The following SCRN1 variants were observed in gnomAD, a reference collection of about 807,000 sequenced individuals.
The protein encoded by SCRN1 is secernin-1.
SCRN1 carries 19 observed loss-of-function variants against 43.3 expected under a neutral mutation model. That is an observed-to-expected ratio of 0.44 (90% CI 0.31 to 0.64). SCRN1 has a LOEUF of 0.64. SCRN1 is among the 30% of genes least tolerant of loss of function. The pLI, the probability that SCRN1 is intolerant of heterozygous loss-of-function variation, is 0.09. For synonymous variants in SCRN1, 183 were observed against 188.9 expected (o/e 0.97, Z 0.26); for missense variants, 447 against 524.1 (o/e 0.85, Z 1.44).
At position 29,969,078 on chromosome 7, in the gene SCRN1, G is replaced by C. The variant is rs77985593; in HGVS notation, c.-1-10C>G. 5 of 1,609,948 alleles carry C rather than the reference G, an allele frequency of 3.1e-6. No individual in the cohort carries two copies. The South Asian group carries it at 4.4e-5, about 14-fold the overall frequency. On this transcript the variant is annotated splice_polypyrimidine_tract_variant and intron_variant, in intron 1 of 7. Coordinates refer to ENST00000242059, the MANE Select transcript of SCRN1 (RefSeq NM_014766.5). ...AGGAGCTGCAGCCATCCTGAAAAGA[G>C]AATGCCAGCAAGAGTGGAAGCAGGC...
At position 29,923,632 on chromosome 7, in the gene SCRN1, T is replaced by G. The variant is rs951162980; in HGVS notation, c.*325A>C. On this transcript the variant is annotated 3_prime_UTR_variant, in exon 8 of 8. Coordinates refer to ENST00000242059, the MANE Select transcript of SCRN1 (RefSeq NM_014766.5). ...ACTGTGAAGCCTGCCTTTCAAGGCT[T>G]GATGAACTCTAGTCCTCTTGTAAAA... is the stretch of plus-strand genomic sequence containing the variant. The G allele has an allele frequency of 1.5e-5, 3 of 195,974 alleles. No individual in the cohort carries two copies. Among genetic ancestry groups the G allele is most frequent in the African/African-American group, 7.0e-5 (3 of 42,972 alleles). 12.1% of individuals were successfully genotyped at this position (195,974 alleles called of 1,614,324 possible). A position where few individuals can be genotyped will look rare whatever the true frequency, so the allele number is the denominator to read the frequency against.
chr7:29,966,159 C>CAGAGAGAGAGAGAGAGAGAGAGAG lies in SCRN1; in HGVS notation c.159+2726_159+2749dup, dbSNP rs58247318. ...AGACAGAGAGAGAGAGACCGAGAGA[C>CAGAGAGAGAGAGAGAGAGAGAGAG]AGAGAGAGAGAGAGAGAGAGAGAGA... On this transcript the variant is annotated intron_variant, in intron 2 of 7. Coordinates refer to ENST00000242059, the MANE Select transcript of SCRN1 (RefSeq NM_014766.5). Among the ~76,000 whole-genome samples, 45 of 84,462 alleles carry CAGAGAGAGAGAGAGAGAGAGAGAG rather than the reference C, an allele frequency of 5.3e-4. 1 individual carries two copies. Among genetic ancestry groups the CAGAGAGAGAGAGAGAGAGAGAGAG allele is most frequent in the East Asian group, 1.7e-3 (5 of 2,904 alleles). 55.4% of individuals were successfully genotyped at this position (84,462 alleles called of 152,430 possible).
chr7:29,931,556 A>T (rs1269679447), intron 6 of SCRN1, among the ~76,000 whole-genome samples: 1 of 152,244 alleles, frequency 6.6e-6, no homozygotes, highest in East Asian at 1.9e-4. Context: ...TTCTTCTGTT[A>T]GTTTTTCCAT....
chr7:29,927,135 G>C (rs1329839038), intron 6 of SCRN1, among the ~76,000 whole-genome samples: 1 of 152,034 alleles, frequency 6.6e-6, no homozygotes, highest in Non-Finnish European at 1.5e-5. Flanking sequence ...CCAAGGAGGG[G>C]ACAGAGTAAG....
At chr7:29,949,669 C>T (rs551588205) in intron 3 of SCRN1, among the ~76,000 whole-genome samples, 20 of 150,364 alleles carry the variant, frequency 1.3e-4, no homozygotes, top group Middle Eastern at 3.6e-3. Flanking sequence ...TAACCCACCA[C>T]ATCAGGCCCT....
intron 2 of SCRN1, among the ~76,000 whole-genome samples, chr7:29,963,265 T>C (rs1054490475): frequency 8.5e-5 from 13 of 152,130 alleles, no homozygotes; most frequent in Non-Finnish European, 1.5e-4. Flanking sequence ...CCCTCTCTCC[T>C]GGGCCAGAAC....
intron 7 of SCRN1, among the ~76,000 whole-genome samples, chr7:29,924,741 T>TA (rs1380831093): frequency 1.3e-5 from 2 of 152,130 alleles, no homozygotes; most frequent in East Asian, 3.9e-4. Flanking sequence ...GATCAATGAA[T>TA]AAACAGGTGC....
intron 7 of SCRN1, among the ~76,000 whole-genome samples, chr7:29,925,752 T>G (rs1786926319): frequency 6.7e-6 from 1 of 150,268 alleles, no homozygotes. Context: ...CTCCTGCTTG[T>G]AATCCCAGCA....
At chr7:29,971,435 C>A (rs973296247) in intron 1 of SCRN1, among the ~76,000 whole-genome samples, 8 of 152,000 alleles carry the variant, frequency 5.3e-5, no homozygotes, top group Admixed American at 3.3e-4. Context: ...AAGTTTGAGA[C>A]CAGCCTGGAC....
intron 3 of SCRN1, among the ~76,000 whole-genome samples, chr7:29,948,163 C>T (rs1014551950): frequency 1.6e-4 from 24 of 152,160 alleles, no homozygotes; most frequent in Admixed American, 2.0e-4. Context: ...GCGTCATTGA[C>T]AGGTGAAGTA....
intron 1 of SCRN1, among the ~76,000 whole-genome samples, chr7:29,983,998 G>A (rs1412925895): frequency 6.6e-6 from 1 of 152,066 alleles, no homozygotes; most frequent in Non-Finnish European, 1.5e-5. Context: ...TTGAGGCCAC[G>A]AGTTCAAAAG....
At chr7:29,977,469 T>C (rs1185538239) in intron 1 of SCRN1, among the ~76,000 whole-genome samples, 3 of 152,200 alleles carry the variant, frequency 2.0e-5, no homozygotes, top group Admixed American at 6.5e-5. Context: ...ATAAATGAAG[T>C]GTTTGGGAAA....
chr7:29,951,833 T>C (rs1787935816), intron 3 of SCRN1, among the ~76,000 whole-genome samples: 1 of 152,244 alleles, frequency 6.6e-6, no homozygotes, highest in Non-Finnish European at 1.5e-5. Context: ...ACATTGCTAC[T>C]GTCATTCCCT....
intron 2 of SCRN1, 118 bp from the exon 3 acceptor site, chr7:29,955,478 C>T (rs1788106520): frequency 2.1e-6 from 2 of 931,904 alleles, no homozygotes; most frequent in Non-Finnish European, 3.2e-6. Context: ...AAATAAAAGG[C>T]CTTGGGAATA....
chr7:29,969,347 G>A (rs927854588), intron 1 of SCRN1: 4 of 436,038 alleles, frequency 9.2e-6, no homozygotes, highest in Non-Finnish European at 8.4e-6. Context: ...GTGGGAGAAA[G>A]GAAAGGAGGT....
At chr7:29,957,473 C>G (rs1381887907) in intron 2 of SCRN1, among the ~76,000 whole-genome samples, 1 of 152,220 alleles carries the variant, frequency 6.6e-6, no homozygotes, top group Non-Finnish European at 1.5e-5. Context: ...TACTACAGAA[C>G]TGATGGACTT....
At chr7:29,945,993 T>C (rs923473554) in intron 3 of SCRN1, among the ~76,000 whole-genome samples, 1 of 152,230 alleles carries the variant, frequency 6.6e-6, no homozygotes, top group Non-Finnish European at 1.5e-5. Context: ...CCTAAAGGGA[T>C]ATTTCACTGT....
In SCRN1 at chr7:29,940,648, G is replaced by A. The variant is rs1371660302; in HGVS notation, c.739+34C>T. ...GAAACAGCTGCAAGAGAAAGGGTATGAGAAGGAGAATCGTGAGGGAGAGAC... is the reference window on the plus strand; with the variant it reads ...GAAACAGCTGCAAGAGAAAGGGTATAAGAAGGAGAATCGTGAGGGAGAGAC... On this transcript the variant is annotated intron_variant, in intron 5 of 7. Transcript: ENST00000242059. 8 of 1,550,446 alleles carry A rather than the reference G, an allele frequency of 5.2e-6. 1 individual carries two copies. Among genetic ancestry groups the A allele is most frequent in the East Asian group, 4.8e-5 (2 of 41,888 alleles).
At chr7:29,952,613 C>T (rs1787982458) in intron 3 of SCRN1, among the ~76,000 whole-genome samples, 2 of 151,766 alleles carry the variant, frequency 1.3e-5, no homozygotes. Flanking sequence ...TCGCTTGAAC[C>T]TGGGAGGCGG....
Sources: gnomAD v4.1 joint callset for allele counts (sites outside exome capture counted in the v4.1 genomes callset) on GRCh38, gnomAD v4.1.1 for gene constraint, MANE v1.5 for transcripts, NCBI Gene and HGNC (gene_info 2026-07-23, HGNC 2026-07-21) for gene names.